Variants in EPHA7 observed in about 807,000 individuals in gnomAD.
EPHA7 encodes the protein ephrin type-A receptor 7.
Under a neutral mutation model 112.6 loss-of-function variants are expected in EPHA7, and 25 were observed. That is an observed-to-expected ratio of 0.22 (90% CI 0.16 to 0.31). The LOEUF (loss-of-function observed/expected upper bound fraction) is 0.31, where lower values mean the gene tolerates loss of function less well. EPHA7 is among the 10% of genes least tolerant of loss of function. The pLI is 1.00. For missense variants in EPHA7, 962 were observed against 1,212.6 expected, an observed-to-expected ratio of 0.79 and a Z score of 3.07; for synonymous variants, 437 against 406.5, an observed-to-expected ratio of 1.07 and a Z score of -0.90.
intron 7 of EPHA7, among the ~76,000 whole-genome samples, chr6:93,265,671 G>A (rs1279161374): frequency 6.6e-6 from 1 of 151,692 alleles, no homozygotes; most frequent in South Asian, 2.1e-4. Context: ...TCCAATAAAT[G>A]ATCCAGTTGC....
chr6:93,291,964 C>T (rs138876105), intron 5 of EPHA7, among the ~76,000 whole-genome samples: 40 of 151,986 alleles, frequency 2.6e-4, no homozygotes, highest in Non-Finnish European at 5.0e-4. Flanking sequence ...GAATATAATT[C>T]CATTATATTC....
intron 8 of EPHA7, 91 bp from the exon 9 acceptor site, chr6:93,264,006 CTAGAGT>C: frequency 3.4e-6 from 3 of 877,522 alleles, no homozygotes; most frequent in Non-Finnish European, 5.2e-6. Context: ...CAACAACTTA[CTAGAGT>C]TAAATTTACT....
At chr6:93,359,154 C>T (rs1256113942) in intron 3 of EPHA7, among the ~76,000 whole-genome samples, 2 of 152,082 alleles carry the variant, frequency 1.3e-5, no homozygotes, top group Non-Finnish European at 2.9e-5. Flanking sequence ...GGTGCAATCA[C>T]ACTAACACAG....
chr6:93,310,936 T>A (rs1194064167), intron 5 of EPHA7, among the ~76,000 whole-genome samples: 2 of 151,882 alleles, frequency 1.3e-5, no homozygotes, highest in African/African-American at 4.8e-5. Context: ...CACTTCCTTT[T>A]GTGAAACATG....
At chr6:93,298,313 A>AAATTTTAT (rs1772780965) in intron 5 of EPHA7, among the ~76,000 whole-genome samples, 1 of 152,150 alleles carries the variant, frequency 6.6e-6, no homozygotes, top group Non-Finnish European at 1.5e-5. Context: ...TTTTAACATA[A>AAATTTTAT]AATTTAAGCC....
intron 14 of EPHA7, among the ~76,000 whole-genome samples, chr6:93,249,626 T>C (rs1264112988): frequency 4.6e-5 from 7 of 152,168 alleles, no homozygotes; most frequent in Non-Finnish European, 8.8e-5. Flanking sequence ...CTAATGCTCA[T>C]AACATTAATT....
intron 3 of EPHA7, among the ~76,000 whole-genome samples, chr6:93,392,577 T>C (rs1244738428): frequency 5.3e-5 from 8 of 151,978 alleles, no homozygotes; most frequent in Non-Finnish European, 1.5e-5. Context: ...AAAAATAAAA[T>C]GCATTTAAAA....
rs183876070 is a variant in EPHA7 at position 93,240,825 on chromosome 6, C to A, written c.*2601G>T. On this transcript the variant is annotated 3_prime_UTR_variant, in exon 17 of 17. Coordinates refer to ENST00000369303, the MANE Select transcript of EPHA7 (RefSeq NM_004440.4). ...CATCTCTTTCTGGAAGAGAGTATTA[C>A]AATCAGCATTACAATGTTAATTCTT... 5.2e-5 allele frequency: 11 copies of A among 210,502 alleles called. No individual in the cohort carries two copies. The highest frequency in any genetic ancestry group is 2.5e-4 in the African/African-American group (11 of 44,230). The allele number at this position is 210,502 out of a possible 1,614,324, so 13.0% of individuals were successfully genotyped here. A position where few individuals can be genotyped will look rare whatever the true frequency, so the allele number is the denominator to read the frequency against.
chr6:93,319,375 C>T (rs1773957514), intron 5 of EPHA7, among the ~76,000 whole-genome samples: 1 of 152,144 alleles, frequency 6.6e-6, no homozygotes, highest in Non-Finnish European at 1.5e-5. Flanking sequence ...GGAGCAGGAA[C>T]AGCTAGAACA....
intron 3 of EPHA7, among the ~76,000 whole-genome samples, chr6:93,359,601 G>A (rs960069845): frequency 2.6e-4 from 40 of 151,668 alleles, no homozygotes; most frequent in African/African-American, 2.4e-4. Flanking sequence ...TTCACTCTGC[G>A]GGGCATGGAA....
At position 93,356,951 on chromosome 6, in the gene EPHA7, T is replaced by A. The variant is rs1428092925; in HGVS notation, c.1090A>T (p.Thr364Ser). The A allele has an allele frequency of 6.2e-7, 1 of 1,614,180 alleles. No individual in the cohort carries two copies. The highest frequency in any genetic ancestry group is 1.3e-5 in the African/African-American group (1 of 75,056). ...PADNGGRNDV[T>S]YRILCKRCSW... ...CACCGCTTACACAATATTCTGTAGGTCACATCGTTTCTTCCCCCATTGTCT... is the reference window on the plus strand; with the variant it reads ...CACCGCTTACACAATATTCTGTAGGACACATCGTTTCTTCCCCCATTGTCT... The change falls in exon 5 of 17, where the codon ACC becomes TCC. Residue 364 changes from threonine (T) to serine (S), a missense_variant. Thr to Ser is a moderately conservative substitution (Grantham distance 58). Transcript: ENST00000369303.
At chr6:93,363,886 C>T (rs1003796121) in intron 3 of EPHA7, among the ~76,000 whole-genome samples, 15 of 152,090 alleles carry the variant, frequency 9.9e-5, no homozygotes, top group African/African-American at 3.1e-4. Context: ...TAAATACAGA[C>T]ACATAAAACA....
At chr6:93,393,727 A>G (rs911178566) in intron 3 of EPHA7, among the ~76,000 whole-genome samples, 1 of 151,806 alleles carries the variant, frequency 6.6e-6, no homozygotes, top group Non-Finnish European at 1.5e-5. Context: ...GCAGATCATA[A>G]AGTACAATTG....
In EPHA7 at chr6:93,278,362, G is replaced by A. The variant is rs1048396457; in HGVS notation, c.1325-5940C>T. The stretch of plus-strand genomic sequence containing the variant: ...ATAGAATTTCTCTTAATGTGAAAAA[G>A]ATAAAATTTTGAACACAGTAGGTAT... On this transcript the variant is annotated intron_variant, in intron 5 of 16. Coordinates refer to ENST00000369303, the MANE Select transcript of EPHA7 (RefSeq NM_004440.4). 5.9e-5 allele frequency among the ~76,000 whole-genome samples: 9 copies of A among 152,062 alleles called. No individual in the cohort carries two copies. The South Asian group carries it at 1.9e-3, about 32-fold the overall frequency.
At chr6:93,246,727 G>A (rs2127846643) in intron 15 of EPHA7, 65 bp downstream of exon 15, 3 of 1,349,438 alleles carry the variant, frequency 2.2e-6, no homozygotes, top group Non-Finnish European at 3.1e-6. Context: ...TGGGGTGGAG[G>A]AGATAAATGG....
rs749253547 is a variant in EPHA7, at chr6:93,356,735, T to C, written c.1306A>G (p.Ile436Val). ...AACATACCTGCTTGACCAGTGGTGA[T>C]ACTGACAGCAGCAAAGAGCCTCTGG... ...RSQRLFAAVS[I>V]TTGQAAPSQV... Residue 436 changes from isoleucine (I) to valine (V), a missense_variant, in exon 5 of 17, where the codon ATC (isoleucine) becomes GTC (valine). Coordinates refer to ENST00000369303, the MANE Select transcript of EPHA7 (RefSeq NM_004440.4). 67 of 1,612,186 alleles carry C rather than the reference T, an allele frequency of 4.2e-5. No individual in the cohort carries two copies. The Middle Eastern group carries it at 6.6e-4, about 16-fold the overall frequency.
intron 3 of EPHA7, among the ~76,000 whole-genome samples, chr6:93,397,006 T>G (rs1778208954): frequency 6.6e-6 from 1 of 151,774 alleles, no homozygotes; most frequent in African/African-American, 2.4e-5. Context: ...TTTTTAGTGT[T>G]ACTGTTTTCA....
intron 5 of EPHA7, among the ~76,000 whole-genome samples, chr6:93,321,611 T>G (rs1227459622): frequency 6.6e-6 from 1 of 151,948 alleles, no homozygotes; most frequent in Non-Finnish European, 1.5e-5. Flanking sequence ...AAATTTAGAT[T>G]TCTGACTAGA....
chr6:93,392,233 T>C (rs1777946007), intron 3 of EPHA7, among the ~76,000 whole-genome samples: 1 of 151,928 alleles, frequency 6.6e-6, no homozygotes, highest in African/African-American at 2.4e-5. Context: ...CACCCACTTT[T>C]CCTGACAGGA....
Sources: gnomAD v4.1 joint callset for allele counts (sites outside exome capture counted in the v4.1 genomes callset) on GRCh38, gnomAD v4.1.1 for gene constraint, MANE v1.5 for transcripts, NCBI Gene and HGNC (gene_info 2026-07-23, HGNC 2026-07-21) for gene names.